NXPE2: variants seen among roughly 807,000 people sequenced by gnomAD.
NXPE2 encodes neurexophilin and PC-esterase domain family member 2, also known as NXPE family member 2.
In NXPE2, 34 loss-of-function variants were observed where a neutral mutation model predicts 34.4. The observed-to-expected ratio is 0.99, with a 90% confidence interval of 0.75 to 1.31. The LOEUF is 1.31. Ranked by LOEUF, NXPE2 falls within the 40% of genes most tolerant of loss-of-function variation. NXPE2 has a pLI of 0.00. For missense variants in NXPE2, 649 were observed against 672.5 expected (o/e 0.97, Z 0.39); for synonymous variants, 235 against 231.3 (o/e 1.02, Z -0.15).
the NXPE2 span, among the ~76,000 whole-genome samples, chr11:114,665,973 C>T: frequency 1.1e-4 from 16 of 152,076 alleles, no homozygotes; most frequent in African/African-American, 3.9e-4. Context: ...AGGTAGGGGG[C>T]AGGGTTAGGA....
chr11:114,639,279 G>T, the NXPE2 span, among the ~76,000 whole-genome samples: 1 of 152,130 alleles, frequency 6.6e-6, no homozygotes, highest in African/African-American at 2.4e-5. Flanking sequence ...GCCAGGTGCA[G>T]GATATAATCT....
the NXPE2 span, among the ~76,000 whole-genome samples, chr11:114,618,760 T>C: frequency 6.6e-6 from 1 of 152,202 alleles, no homozygotes; most frequent in African/African-American, 2.4e-5. Flanking sequence ...GCGTAGCCAC[T>C]GTTATCTGGT....
the NXPE2 span, among the ~76,000 whole-genome samples, chr11:114,598,971 A>G: frequency 2.0e-5 from 3 of 152,314 alleles, no homozygotes; most frequent in East Asian, 5.8e-4. Flanking sequence ...CCTCCACTGA[A>G]AATGACCATT....
chr11:114,751,727 A>C, the NXPE2 span, among the ~76,000 whole-genome samples: 1 of 152,194 alleles, frequency 6.6e-6, no homozygotes, highest in East Asian at 1.9e-4. Context: ...ATGTGACCTT[A>C]CTTGGCAAAA....
chr11:114,537,902 G>A, the NXPE2 span, among the ~76,000 whole-genome samples: 13 of 152,172 alleles, frequency 8.5e-5, no homozygotes, highest in South Asian at 8.3e-4. Flanking sequence ...AGCTACCAAT[G>A]ACTTTCTTCA....
the NXPE2 span, chr11:114,594,606 G>T: frequency 1.8e-6 from 2 of 1,095,856 alleles, no homozygotes; most frequent in African/African-American, 1.6e-5. Flanking sequence ...TCCTAGAACA[G>T]ATGAGGTAAT....
chr11:114,596,943 T>G, the NXPE2 span, among the ~76,000 whole-genome samples: 1 of 152,216 alleles, frequency 6.6e-6, no homozygotes, highest in Non-Finnish European at 1.5e-5. Context: ...GGTCATCTGA[T>G]GAGCTTTGAA....
At chr11:114,521,705 C>T in the NXPE2 span, 2 of 387,968 alleles carry the variant, frequency 5.2e-6, no homozygotes, top group Non-Finnish European at 4.6e-6. Context: ...TTCAAATCAG[C>T]TTAATAACAT....
At chr11:114,561,434 T>C in the NXPE2 span, among the ~76,000 whole-genome samples, 1 of 152,192 alleles carries the variant, frequency 6.6e-6, no homozygotes, top group African/African-American at 2.4e-5. Flanking sequence ...ATATTGTTTG[T>C]TACCTTGGTT....
chr11:114,519,146 T>A, the NXPE2 span, among the ~76,000 whole-genome samples: 1 of 152,238 alleles, frequency 6.6e-6, no homozygotes, highest in African/African-American at 2.4e-5. Flanking sequence ...GCCTTTTATA[T>A]GACAAATGTT....
In NXPE2 at chr11:114,706,617, C is replaced by G; in HGVS notation, c.1367C>G (p.Pro456Arg). The change falls in exon 6 of 6, where the codon CCC becomes CGC. Residue 456 changes from proline to arginine, a missense_variant. Pro to Arg is a moderately radical substitution (Grantham distance 103). Coordinates refer to ENST00000389586, the MANE Select transcript of NXPE2 (RefSeq NM_182495.6). ...ATTACCCTCGGCCAACACTTCAGAC[C>G]CTTTCCCATCAACATTTTCATCCGT... ...IVITLGQHFR[P>R]FPINIFIRRA... is the part of the protein sequence containing the mutation. 3 of 1,551,858 alleles carry G rather than the reference C, an allele frequency of 1.9e-6. No individual in the cohort carries two copies. The highest frequency in any genetic ancestry group is 2.6e-6 in the Non-Finnish European group (3 of 1,146,994).
At chr11:114,579,770 C>G in the NXPE2 span, among the ~76,000 whole-genome samples, 1 of 152,138 alleles carries the variant, frequency 6.6e-6, no homozygotes, top group Non-Finnish European at 1.5e-5. Context: ...GTTTTGAACC[C>G]AGGTTGTCTG....
chr11:114,611,043 A>G, the NXPE2 span, among the ~76,000 whole-genome samples: 11 of 151,636 alleles, frequency 7.3e-5, no homozygotes, highest in Admixed American at 6.6e-4. Flanking sequence ...TCTGTGGATT[A>G]TAAGTGTTGC....
At chr11:114,567,676 G>A in the NXPE2 span, among the ~76,000 whole-genome samples, 1 of 151,960 alleles carries the variant, frequency 6.6e-6, no homozygotes, top group South Asian at 2.1e-4. Flanking sequence ...TTACAAGGAT[G>A]AGAAAGATTA....
At chr11:114,682,515 G>A (rs1950966062) in intron 2 of NXPE2, among the ~76,000 whole-genome samples, 1 of 152,170 alleles carries the variant, frequency 6.6e-6, no homozygotes, top group African/African-American at 2.4e-5. Flanking sequence ...CAGAGCTTAA[G>A]TTTAGCAGGA....
chr11:114,605,573 A>T, the NXPE2 span, among the ~76,000 whole-genome samples: 3 of 151,704 alleles, frequency 2.0e-5, no homozygotes, highest in African/African-American at 7.3e-5. Context: ...TACCCGGTGG[A>T]TAATAAGTAT....
chr11:114,605,652 G>T, the NXPE2 span, among the ~76,000 whole-genome samples: 1 of 151,736 alleles, frequency 6.6e-6, no homozygotes, highest in Non-Finnish European at 1.5e-5. Flanking sequence ...ACAGTTAGCT[G>T]GTGGATAATA....
upstream of NXPE2, among the ~76,000 whole-genome samples, chr11:114,676,584 G>A (rs1186552859): frequency 6.6e-6 from 1 of 151,958 alleles, no homozygotes; most frequent in African/African-American, 2.4e-5. Context: ...TGTTAGTATG[G>A]TTATTATCAA....
At chr11:114,663,637 C>CTATCTATCATCTATCTATCATCT in the NXPE2 span, among the ~76,000 whole-genome samples, 1,616 of 138,786 alleles carry the variant, frequency 0.012, 20 homozygotes, top group East Asian at 0.015. Flanking sequence ...ATCTATCTAT[C>CTATCTATCATCTATCTATCATCT]ATCTATCCAT....
Sources: gnomAD v4.1 joint callset for allele counts (sites outside exome capture counted in the v4.1 genomes callset) on GRCh38, gnomAD v4.1.1 for gene constraint, MANE v1.5 for transcripts, NCBI Gene and HGNC (gene_info 2026-07-23, HGNC 2026-07-21) for gene names.